Variants in GRID2 observed in about 807,000 individuals in gnomAD.
The protein encoded by GRID2 is glutamate ionotropic receptor delta type subunit 2.
Under a neutral mutation model 114.8 loss-of-function variants are expected in GRID2, and 33 were observed. That is an observed-to-expected ratio of 0.29 (90% CI 0.22 to 0.38). The LOEUF (loss-of-function observed/expected upper bound fraction) is 0.38, where lower values mean the gene tolerates loss of function less well. Among genes scored for constraint, GRID2 ranks in the 10% least tolerant of loss-of-function variants. GRID2 has a pLI of 1.00. For synonymous variants in GRID2, 505 were observed against 449.9 expected (o/e 1.12, Z -1.55); for missense variants, 1,184 against 1,257.7 (o/e 0.94, Z 0.89).
intron 1 of GRID2, among the ~76,000 whole-genome samples, chr4:92,548,493 C>T (rs1726399540): frequency 7.1e-6 from 1 of 141,256 alleles, no homozygotes; most frequent in African/African-American, 2.7e-5. Flanking sequence ...CCTCCGCCTG[C>T]CGGGTTCAAG....
At chr4:93,635,377 G>A (rs1022380562) in intron 14 of GRID2, among the ~76,000 whole-genome samples, 5 of 149,486 alleles carry the variant, frequency 3.3e-5, no homozygotes, top group Admixed American at 6.7e-5. Context: ...AGGGAGACAG[G>A]AGTAGGATGC....
At chr4:93,230,646 T>G (rs1746020014) in intron 7 of GRID2, among the ~76,000 whole-genome samples, 1 of 152,166 alleles carries the variant, frequency 6.6e-6, no homozygotes, top group South Asian at 2.1e-4. Flanking sequence ...GTTGCGTAGC[T>G]AATTAGTTTT....
chr4:93,005,450 G>A (rs1487005798), intron 2 of GRID2, among the ~76,000 whole-genome samples: 10 of 151,824 alleles, frequency 6.6e-5, no homozygotes, highest in East Asian at 1.9e-4. Context: ...CTGCTTCCCC[G>A]TTTCCCAGCT....
chr4:93,571,788 GAAT>G (rs1011594675), intron 13 of GRID2, among the ~76,000 whole-genome samples: 9 of 152,144 alleles, frequency 5.9e-5, no homozygotes, highest in Admixed American at 2.6e-4. Flanking sequence ...AAAGTAAGAG[GAAT>G]GACTCAGTGT....
intron 2 of GRID2, among the ~76,000 whole-genome samples, chr4:92,829,445 T>C (rs566105767): frequency 6.6e-6 from 1 of 152,246 alleles, no homozygotes; most frequent in South Asian, 2.1e-4. Flanking sequence ...CAACAGATGC[T>C]GGGGAGGTTA....
intron 13 of GRID2, among the ~76,000 whole-genome samples, chr4:93,626,005 G>T (rs1471527148): frequency 6.6e-6 from 1 of 152,166 alleles, no homozygotes; most frequent in Non-Finnish European, 1.5e-5. Context: ...AAGTAATCTA[G>T]ACATGATTTA....
chr4:92,615,839 C>A (rs62307894), intron 2 of GRID2, among the ~76,000 whole-genome samples: 8,416 of 151,544 alleles, frequency 0.056, 302 homozygotes, highest in East Asian at 0.16. Flanking sequence ...CAGTCTACTT[C>A]AGGTTAATAT....
intron 2 of GRID2, among the ~76,000 whole-genome samples, chr4:93,013,801 G>GAT (rs148800462): frequency 2.8e-3 from 428 of 151,490 alleles, no homozygotes; most frequent in Non-Finnish European, 4.9e-3. Flanking sequence ...AAAATTAAAG[G>GAT]ATATATATAT....
At chr4:93,326,306 T>G (rs1302787180) in intron 8 of GRID2, among the ~76,000 whole-genome samples, 1 of 152,190 alleles carries the variant, frequency 6.6e-6, no homozygotes, top group African/African-American at 2.4e-5. Flanking sequence ...ACCACTGGGC[T>G]GCTACAGATA....
At chr4:93,598,979 T>G (rs952426633) in intron 13 of GRID2, among the ~76,000 whole-genome samples, 19 of 152,264 alleles carry the variant, frequency 1.2e-4, no homozygotes, top group African/African-American at 3.9e-4. Flanking sequence ...TTAATGCTAA[T>G]TTTTTCTTTT....
intron 8 of GRID2, among the ~76,000 whole-genome samples, chr4:93,290,706 C>T (rs938233219): frequency 1.3e-5 from 2 of 151,518 alleles, no homozygotes; most frequent in African/African-American, 4.9e-5. Context: ...TTTTTTCATC[C>T]CATCAGCATC....
chr4:92,544,670 A>G (rs1179964590), intron 1 of GRID2, among the ~76,000 whole-genome samples: 1 of 152,136 alleles, frequency 6.6e-6, no homozygotes, highest in African/African-American at 2.4e-5. Context: ...GATGAGGTAA[A>G]GTGACCTGAC....
chr4:92,460,032 C>CTCTATATATATATATATATATATATA (rs749790235), intron 1 of GRID2, among the ~76,000 whole-genome samples: 58 of 48,286 alleles, frequency 1.2e-3, no homozygotes, highest in African/African-American at 3.5e-3. Flanking sequence ...ATAAATCTCA[C>CTCTATATATATATATATATATATATA]TATATATATA....
At chr4:92,563,977 A>C (rs1727221107) in intron 1 of GRID2, among the ~76,000 whole-genome samples, 1 of 151,966 alleles carries the variant, frequency 6.6e-6, no homozygotes, top group African/African-American at 2.4e-5. Context: ...CTATTCTTCA[A>C]GGTTCTACTT....
chr4:93,110,847 C>T lies in GRID2; in HGVS notation c.629C>T (p.Thr210Ile), dbSNP rs1262405440. 1 of 1,608,534 alleles carries T rather than the reference C, an allele frequency of 6.2e-7. No individual in the cohort carries two copies. The highest frequency in any genetic ancestry group is 8.5e-7 in the Non-Finnish European group (1 of 1,174,896). The change falls in exon 4 of 16, where the codon ACT becomes ATT. Residue 210 changes from threonine (T) to isoleucine (I), a missense_variant. By Grantham distance (89) the Thr-to-Ile change is moderately conservative (BLOSUM62 -1). This residue lies in a region of GRID2 where 455 missense variants were observed against 429.5 expected (regional missense o/e 1.06). Transcript: ENST00000282020. ...AACAACATCAATAAAATGATTACCACTCTCTTTGACACCATGAGAATAGAA... is the reference window on the plus strand; with the variant it reads ...AACAACATCAATAAAATGATTACCATTCTCTTTGACACCATGAGAATAGAA... ...VENNINKMIT[T>I]LFDTMRIEEL...
intron 8 of GRID2, among the ~76,000 whole-genome samples, chr4:93,281,693 T>C (rs574001928): frequency 1.3e-5 from 2 of 152,136 alleles, no homozygotes; most frequent in Admixed American, 1.3e-4. Context: ...TTTTCTCTGC[T>C]CTGAGTGACC....
intron 1 of GRID2, among the ~76,000 whole-genome samples, chr4:92,538,303 TCA>T (rs1725755384): frequency 6.6e-6 from 1 of 152,208 alleles, no homozygotes; most frequent in African/African-American, 2.4e-5. Flanking sequence ...AAAATAGTTA[TCA>T]GTTTTAGACT....
At chr4:93,352,627 T>A (rs114204960) in intron 8 of GRID2, among the ~76,000 whole-genome samples, 1 of 152,044 alleles carries the variant, frequency 6.6e-6, no homozygotes, top group African/African-American at 2.4e-5. Context: ...CTACACTCTA[T>A]TGAATGATCT....
At chr4:93,757,147 G>A (rs1732820252) in intron 14 of GRID2, among the ~76,000 whole-genome samples, 1 of 152,172 alleles carries the variant, frequency 6.6e-6, no homozygotes, top group Non-Finnish European at 1.5e-5. Context: ...GATATTATGT[G>A]TCAGAGGTTA....
Sources: allele counts gnomAD v4.1 joint callset (sites outside exome capture counted in the v4.1 genomes callset), GRCh38; gene constraint gnomAD v4.1.1; regional missense constraint gnomAD v4.1.1; transcripts MANE v1.5; gene names NCBI Gene and HGNC (gene_info 2026-07-23, HGNC 2026-07-21).